The following RBFOX1 variants were observed in gnomAD, a reference collection of about 807,000 sequenced individuals.
RBFOX1 encodes the protein RNA binding protein fox-1 homolog 1.
Under a neutral mutation model 57.7 loss-of-function variants are expected in RBFOX1, and 8 were observed. The ratio of observed to expected loss-of-function variants is 0.14; its 90% CI spans 0.08 to 0.25. The LOEUF (loss-of-function observed/expected upper bound fraction) is 0.25. RBFOX1 is among the 10% of genes least tolerant of loss of function. The pLI is 1.00. For synonymous variants in RBFOX1, 326 were observed against 222.4 expected, an observed-to-expected ratio of 1.47 and a Z score of -4.15; for missense variants, 611 against 548.5, an observed-to-expected ratio of 1.11 and a Z score of -1.14.
chr16:7,169,492 G>A (rs181448799), intron 4 of RBFOX1, among the ~76,000 whole-genome samples: 3 of 152,308 alleles, frequency 2.0e-5, no homozygotes, highest in East Asian at 3.9e-4. Flanking sequence ...GTCACACTGA[G>A]AAATGTCTAT....
At chr16:5,667,318 A>G (rs995832344) in intron 3 of RBFOX1, among the ~76,000 whole-genome samples, 3 of 152,226 alleles carry the variant, frequency 2.0e-5, no homozygotes, top group Non-Finnish European at 2.9e-5. Context: ...ATGTAAGGCT[A>G]TACATTTTCC....
At position 7,062,169 on chromosome 16, in the gene RBFOX1, A is replaced by C. The variant is rs566584412; in HGVS notation, c.27+10071A>C. 1.2e-4 allele frequency among the ~76,000 whole-genome samples: 18 copies of C among 151,882 alleles called. No individual in the cohort carries two copies. The South Asian group carries it at 3.8e-3, about 32-fold the overall frequency. ...CATCTCTACTAAAAACACACAAAAA[A>C]TTAGCTGGGCATGGTGGCGGGTGCC... On this transcript the variant is annotated intron_variant, in intron 4 of 15. Transcript: ENST00000550418.
intron 4 of RBFOX1, among the ~76,000 whole-genome samples, chr16:5,964,332 T>A (rs1303462783): frequency 6.6e-6 from 1 of 152,142 alleles, no homozygotes; most frequent in Non-Finnish European, 1.5e-5. Context: ...TGGGAAACAG[T>A]ATGGAGATTT....
chr16:6,814,779 G>C (rs1218887326), intron 3 of RBFOX1, among the ~76,000 whole-genome samples: 2 of 152,092 alleles, frequency 1.3e-5, no homozygotes, highest in Non-Finnish European at 2.9e-5. Flanking sequence ...GTTGAGGTTG[G>C]ATAGAAGCAG....
intron 4 of RBFOX1, among the ~76,000 whole-genome samples, chr16:7,146,345 G>C (rs765561056): frequency 9.2e-5 from 14 of 152,188 alleles, no homozygotes; most frequent in Non-Finnish European, 1.6e-4. Flanking sequence ...TTGCAGTGAT[G>C]GTCTTTCCTA....
intron 1 of RBFOX1, chr16:5,270,663 C>T: frequency 1.8e-6 from 1 of 540,776 alleles, no homozygotes; most frequent in Admixed American, 2.3e-5. Context: ...TCTGCCAAAT[C>T]CAGAAGAAGG....
chr16:5,949,984 G>C (rs1222366373), intron 4 of RBFOX1, among the ~76,000 whole-genome samples: 1 of 152,194 alleles, frequency 6.6e-6, no homozygotes, highest in Non-Finnish European at 1.5e-5. Flanking sequence ...ATGTTACATA[G>C]GTTGATGTGG....
chr16:5,997,961 T>C (rs1235155426), intron 4 of RBFOX1, among the ~76,000 whole-genome samples: 1 of 152,196 alleles, frequency 6.6e-6, no homozygotes, highest in East Asian at 1.9e-4. Flanking sequence ...AATGTGGCTG[T>C]TATTCCCACA....
intron 1 of RBFOX1, among the ~76,000 whole-genome samples, chr16:5,271,217 G>T (rs1248579280): frequency 6.6e-6 from 1 of 152,048 alleles, no homozygotes; most frequent in Non-Finnish European, 1.5e-5. Flanking sequence ...ATCCAGGCTT[G>T]GTGGCATGTG....
intron 2 of RBFOX1, among the ~76,000 whole-genome samples, chr16:5,582,547 CTTTTTTTTTTT>C (rs57853959): frequency 7.3e-4 from 68 of 92,860 alleles, no homozygotes; most frequent in African/African-American, 2.4e-3. Context: ...AAGCACGTCA[CTTTTTTTTTTT>C]TTTTTTTTTT....
chr16:6,041,108 T>C (rs1487911831), intron 1 of RBFOX1, among the ~76,000 whole-genome samples: 2 of 152,194 alleles, frequency 1.3e-5, no homozygotes, highest in African/African-American at 2.4e-5. Flanking sequence ...TCACTTATTC[T>C]TCCCTCCCTG....
chr16:7,229,562 G>A (rs2093355520), intron 4 of RBFOX1, among the ~76,000 whole-genome samples: 1 of 147,532 alleles, frequency 6.8e-6, no homozygotes, highest in African/African-American at 2.5e-5. Flanking sequence ...GAGGAAGGAA[G>A]GGAGGGAGGG....
intron 11 of RBFOX1, among the ~76,000 whole-genome samples, chr16:7,636,144 G>A (rs1187668731): frequency 6.6e-6 from 1 of 152,234 alleles, no homozygotes; most frequent in African/African-American, 2.4e-5. Context: ...TCCACAAGGA[G>A]ATAGTAAAAA....
chr16:6,989,033 G>C (rs903876824), intron 3 of RBFOX1, among the ~76,000 whole-genome samples: 1 of 151,946 alleles, frequency 6.6e-6, no homozygotes, highest in Non-Finnish European at 1.5e-5. Flanking sequence ...AAAGTGCTGG[G>C]ATTATAAGCG....
At chr16:7,697,790 T>G (rs553326327) in intron 14 of RBFOX1, among the ~76,000 whole-genome samples, 1 of 152,180 alleles carries the variant, frequency 6.6e-6, no homozygotes, top group Non-Finnish European at 1.5e-5. Context: ...CCTTCCCCAG[T>G]ATGCTATCTT....
chr16:5,901,178 C>T (rs904828845), intron 4 of RBFOX1, among the ~76,000 whole-genome samples: 7 of 152,190 alleles, frequency 4.6e-5, no homozygotes, highest in South Asian at 4.1e-4. Context: ...ACCCTCTCAG[C>T]TTACCATTCC....
chr16:5,830,190 T>G (rs946076109), intron 3 of RBFOX1, among the ~76,000 whole-genome samples: 6 of 152,156 alleles, frequency 3.9e-5, no homozygotes, highest in African/African-American at 1.2e-4. Flanking sequence ...TCCAGTGTTT[T>G]GTTAGAGACC....
intron 3 of RBFOX1, among the ~76,000 whole-genome samples, chr16:5,701,530 C>T (rs755086779): frequency 1.1e-4 from 16 of 152,116 alleles, no homozygotes; most frequent in Non-Finnish European, 1.5e-5. Flanking sequence ...GCTACCTATG[C>T]CTCCTGGGCT....
At chr16:5,783,556 A>G (rs557965320) in intron 3 of RBFOX1, among the ~76,000 whole-genome samples, 1 of 152,296 alleles carries the variant, frequency 6.6e-6, no homozygotes, top group Admixed American at 6.5e-5. Flanking sequence ...CATCGTGGTA[A>G]ATTCTCTTCC....
Sources: gnomAD v4.1 joint callset for allele counts (sites outside exome capture counted in the v4.1 genomes callset) on GRCh38, gnomAD v4.1.1 for gene constraint, MANE v1.5 for transcripts, NCBI Gene and HGNC (gene_info 2026-07-23, HGNC 2026-07-21) for gene names.